NSMCE2: variants seen among roughly 807,000 people sequenced by gnomAD.
NSMCE2 encodes the protein E3 SUMO-protein ligase NSE2.
A neutral mutation model predicts 23.8 loss-of-function variants in NSMCE2; 24 were observed. The ratio of observed to expected loss-of-function variants is 1.01; its 90% CI spans 0.73 to 1.42. NSMCE2 has a LOEUF of 1.42. Ranked by LOEUF, NSMCE2 falls within the 40% of genes most tolerant of loss-of-function variation. NSMCE2 has a pLI of 0.00. For missense variants in NSMCE2, 284 were observed against 296.5 expected, an observed-to-expected ratio of 0.96 and a Z score of 0.31; for synonymous variants, 92 against 94.1, an observed-to-expected ratio of 0.98 and a Z score of 0.13.
chr8:125,114,007 T>C (rs1818882448), intron 3 of NSMCE2, among the ~76,000 whole-genome samples: 2 of 152,222 alleles, frequency 1.3e-5, no homozygotes, highest in South Asian at 4.1e-4. Flanking sequence ...TAAATCTAAT[T>C]AGATTTAGAC....
At chr8:125,215,490 T>C (rs1179480721) in intron 5 of NSMCE2, among the ~76,000 whole-genome samples, 8 of 152,040 alleles carry the variant, frequency 5.3e-5, no homozygotes, top group Non-Finnish European at 7.4e-5. Flanking sequence ...TGAATAATGC[T>C]GCAATAAACA....
intron 5 of NSMCE2, among the ~76,000 whole-genome samples, chr8:125,250,596 A>G (rs867436285): frequency 8.5e-5 from 13 of 152,160 alleles, no homozygotes; most frequent in Admixed American, 2.6e-4. Context: ...ATTTCATCCA[A>G]TTCTTATTTA....
At position 125,357,704 on chromosome 8, in the gene NSMCE2, G is replaced by A. The variant is rs1162211794; in HGVS notation, c.520-8G>A. The A allele has an allele frequency of 1.9e-6, 3 of 1,596,334 alleles. No homozygotes were observed. Among genetic ancestry groups the A allele is most frequent in the South Asian group, 1.1e-5 (1 of 90,716 alleles). On this transcript the variant is annotated splice_region_variant and splice_polypyrimidine_tract_variant and intron_variant, in intron 6 of 7. Transcript: ENST00000287437. ...ATTCCTGAAAGCCCAACATCTCCTTGATTACAGGAGGAAATGAAGAAGCCA... is the reference window on the plus strand; with the variant it reads ...ATTCCTGAAAGCCCAACATCTCCTTAATTACAGGAGGAAATGAAGAAGCCA...
At chr8:125,327,457 A>C (rs183273143) in intron 5 of NSMCE2, among the ~76,000 whole-genome samples, 4 of 152,214 alleles carry the variant, frequency 2.6e-5, no homozygotes, top group East Asian at 3.9e-4. Context: ...TAGAAAATTG[A>C]TGTTGTGGGT....
At chr8:125,249,453 G>A (rs1451008847) in intron 5 of NSMCE2, among the ~76,000 whole-genome samples, 1 of 152,058 alleles carries the variant, frequency 6.6e-6, no homozygotes, top group African/African-American at 2.4e-5. Context: ...GGGAGTGTTC[G>A]GGACTCAAGT....
At chr8:125,233,532 AT>A (rs1825417134) in intron 5 of NSMCE2, among the ~76,000 whole-genome samples, 1 of 152,180 alleles carries the variant, frequency 6.6e-6, no homozygotes, top group Non-Finnish European at 1.5e-5. Flanking sequence ...AATAAATTGA[AT>A]ATATAGTAAT....
At chr8:125,277,038 T>C (rs1310553304) in intron 5 of NSMCE2, among the ~76,000 whole-genome samples, 1 of 152,240 alleles carries the variant, frequency 6.6e-6, no homozygotes, top group Non-Finnish European at 1.5e-5. Flanking sequence ...GCAGTGTTCA[T>C]ACTCTGCCTT....
At chr8:125,197,392 A>T (rs2130847842) in intron 5 of NSMCE2, among the ~76,000 whole-genome samples, 1 of 152,282 alleles carries the variant, frequency 6.6e-6, no homozygotes, top group East Asian at 1.9e-4. Context: ...TAAGGAAGGG[A>T]TCCAGTTTCA....
At chr8:125,142,807 G>A (rs1427853238) in intron 3 of NSMCE2, among the ~76,000 whole-genome samples, 3 of 152,084 alleles carry the variant, frequency 2.0e-5, no homozygotes, top group Admixed American at 2.0e-4. Flanking sequence ...TCTCCATGTT[G>A]GTCAGGCTGG....
At chr8:125,364,438 A>G (rs915971308) in intron 7 of NSMCE2, among the ~76,000 whole-genome samples, 2 of 152,146 alleles carry the variant, frequency 1.3e-5, no homozygotes, top group East Asian at 1.9e-4. Flanking sequence ...TCTGGTTTGC[A>G]TCTTTACTGT....
chr8:125,182,817 T>C (rs1822892664), intron 5 of NSMCE2: 1 of 152,582 alleles, frequency 6.6e-6, no homozygotes, highest in African/African-American at 2.4e-5. Flanking sequence ...GTGGACATAA[T>C]TTTGACTTAA....
intron 1 of NSMCE2, among the ~76,000 whole-genome samples, chr8:125,100,557 AT>A (rs1019218283): frequency 2.0e-5 from 3 of 151,852 alleles, no homozygotes; most frequent in South Asian, 4.2e-4. Flanking sequence ...TAGAGGCTGA[AT>A]TTTTTTTATT....
chr8:125,221,377 G>A (rs1824854344), intron 5 of NSMCE2, among the ~76,000 whole-genome samples: 1 of 152,154 alleles, frequency 6.6e-6, no homozygotes, highest in African/African-American at 2.4e-5. Context: ...CTGAGTAGCT[G>A]GGATTACAGT....
intron 5 of NSMCE2, among the ~76,000 whole-genome samples, chr8:125,328,627 C>A (rs1356651145): frequency 1.3e-5 from 2 of 152,206 alleles, no homozygotes; most frequent in Non-Finnish European, 2.9e-5. Context: ...GGATTCTCCA[C>A]ATGATTCACA....
chr8:125,366,727 G>C, intron 7 of NSMCE2, 41 bp from the exon 8 acceptor site: 1 of 1,118,730 alleles, frequency 8.9e-7, no homozygotes, highest in African/African-American at 1.5e-5. Context: ...TCTGCTTAAG[G>C]CAGTAAAGGG....
rs868145329 is a variant in NSMCE2 at position 125,356,326 on chromosome 8, G to T, written c.419-893G>T. On this transcript the variant is annotated intron_variant, in intron 5 of 7. Transcript: ENST00000287437. ...TATTACTGTTACTTTTAATTTTTTG[G>T]TTTTTTTTTTTTTTTTTTTTTGAGA... 5.3e-3 allele frequency among the ~76,000 whole-genome samples: 558 copies of T among 105,450 alleles called. 8 individuals carry two copies. The highest frequency in any genetic ancestry group is 0.018 in the African/African-American group (504 of 28,074). The allele number at this position is 105,450 out of a possible 152,430, so 69.2% of individuals were successfully genotyped here. A position where few individuals can be genotyped will look rare whatever the true frequency, so the allele number is the denominator to read the frequency against.
At chr8:125,129,570 G>GTC (rs1819658029) in intron 3 of NSMCE2, among the ~76,000 whole-genome samples, 2 of 151,834 alleles carry the variant, frequency 1.3e-5, no homozygotes, top group Admixed American at 6.6e-5. Context: ...GTGTGTGTGT[G>GTC]TGTGTGTGTC....
intron 5 of NSMCE2, chr8:125,270,543 A>AC (rs1444658993): frequency 6.6e-6 from 1 of 152,246 alleles, no homozygotes; most frequent in Non-Finnish European, 1.5e-5. Context: ...AATTGCTTTA[A>AC]ATAGAAGCAA....
chr8:125,114,051 A>G (rs1818883502), intron 3 of NSMCE2, among the ~76,000 whole-genome samples: 1 of 152,230 alleles, frequency 6.6e-6, no homozygotes, highest in Non-Finnish European at 1.5e-5. Context: ...GAAGTTACCT[A>G]TAAGCACATG....
Sources: gnomAD v4.1 joint callset for allele counts (sites outside exome capture counted in the v4.1 genomes callset) on GRCh38, gnomAD v4.1.1 for gene constraint, MANE v1.5 for transcripts, NCBI Gene and HGNC (gene_info 2026-07-23, HGNC 2026-07-21) for gene names.